Variants in SORCS1 observed in about 807,000 individuals in gnomAD.
SORCS1 encodes VPS10 domain-containing receptor SorCS1.
A neutral mutation model predicts 146.1 loss-of-function variants in SORCS1; 60 were observed. The observed-to-expected ratio is 0.41, with a 90% CI of 0.33 to 0.51. The LOEUF (loss-of-function observed/expected upper bound fraction) is 0.51. Ranked by LOEUF, SORCS1 falls within the 20% of genes least tolerant of loss-of-function variation. The pLI, the probability that SORCS1 is intolerant of heterozygous loss-of-function variation, is 0.21. For synonymous variants in SORCS1, 637 were observed against 584.0 expected, an observed-to-expected ratio of 1.09 and a Z score of -1.31; for missense variants, 1,352 against 1,487.6, an observed-to-expected ratio of 0.91 and a Z score of 1.50.
chr10:106,855,935 C>T (rs1262838201), intron 2 of SORCS1, among the ~76,000 whole-genome samples: 1 of 152,008 alleles, frequency 6.6e-6, no homozygotes, highest in African/African-American at 2.4e-5. Context: ...AATGCCTGAA[C>T]AGCTGACATG....
chr10:106,899,541 C>T (rs1273936628), intron 2 of SORCS1, among the ~76,000 whole-genome samples: 1 of 151,024 alleles, frequency 6.6e-6, no homozygotes, highest in African/African-American at 2.4e-5. Flanking sequence ...CACTTACTTC[C>T]TTTTCATTCC....
chr10:106,899,772 T>A, intron 2 of SORCS1, among the ~76,000 whole-genome samples: 1 of 152,086 alleles, frequency 6.6e-6, no homozygotes. Flanking sequence ...TTAACTTCCT[T>A]CATAAGTTCC....
intron 1 of SORCS1, among the ~76,000 whole-genome samples, chr10:107,113,523 C>T (rs1306405401): frequency 6.6e-6 from 1 of 151,844 alleles, no homozygotes; most frequent in East Asian, 1.9e-4. Context: ...AATCCTGTCT[C>T]TACTAAAAAT....
At chr10:106,599,226 G>C (rs1218555426) in intron 23 of SORCS1, among the ~76,000 whole-genome samples, 2 of 151,990 alleles carry the variant, frequency 1.3e-5, no homozygotes, top group African/African-American at 4.8e-5. Flanking sequence ...AATTAGCCAG[G>C]CATGGTGGTG....
chr10:106,766,528 T>C (rs913851221), intron 4 of SORCS1, among the ~76,000 whole-genome samples: 1 of 152,176 alleles, frequency 6.6e-6, no homozygotes, highest in African/African-American at 2.4e-5. Context: ...TATGTTCTGA[T>C]GCTCTGGTTC....
At chr10:106,943,869 T>C (rs187648011) in intron 2 of SORCS1, among the ~76,000 whole-genome samples, 8 of 152,216 alleles carry the variant, frequency 5.3e-5, no homozygotes, top group Admixed American at 5.2e-4. Flanking sequence ...CATTCCAAAA[T>C]TGTCTTCCTC....
chr10:107,033,249 G>C (rs1270893669), intron 1 of SORCS1, among the ~76,000 whole-genome samples: 4 of 152,120 alleles, frequency 2.6e-5, no homozygotes, highest in African/African-American at 9.7e-5. Context: ...TCACCATCAC[G>C]AGAACAGCAA....
At chr10:106,930,006 GGAGGCCGAGGA>G (rs1953316017) in intron 2 of SORCS1, among the ~76,000 whole-genome samples, 2 of 152,342 alleles carry the variant, frequency 1.3e-5, no homozygotes, top group South Asian at 4.1e-4. Flanking sequence ...CAGCAGTTTG[GGAGGCCGAGGA>G]GGGTGGATCA....
chr10:107,016,396 C>T (rs551631060), intron 1 of SORCS1, among the ~76,000 whole-genome samples: 234 of 152,082 alleles, frequency 1.5e-3, no homozygotes, highest in Non-Finnish European at 2.8e-3. Context: ...CCCAACTATT[C>T]GGGGATGCTG....
At chr10:106,795,750 A>G (rs1400061964) in intron 3 of SORCS1, among the ~76,000 whole-genome samples, 1 of 152,228 alleles carries the variant, frequency 6.6e-6, no homozygotes, top group Non-Finnish European at 1.5e-5. Context: ...TAGAATTAAG[A>G]AAGAGATTGA....
At chr10:106,688,465 G>A (rs570393729) in intron 9 of SORCS1, 127 bp from the exon 10 acceptor site, 3 of 1,033,144 alleles carry the variant, frequency 2.9e-6, no homozygotes, top group South Asian at 1.7e-5. Context: ...AAAGGTTGAC[G>A]ATGGGGGAAG....
chr10:106,829,428 T>C (rs777615377), intron 3 of SORCS1, 146 bp downstream of exon 3: 11 of 569,634 alleles, frequency 1.9e-5, no homozygotes, highest in Non-Finnish European at 3.2e-5. Context: ...GTGTCAGACA[T>C]TTTACAATCT....
At chr10:106,722,224 T>A (rs1295310681) in intron 6 of SORCS1, among the ~76,000 whole-genome samples, 2 of 151,918 alleles carry the variant, frequency 1.3e-5, no homozygotes, top group African/African-American at 2.4e-5. Flanking sequence ...CTATTTTTGT[T>A]GGTATAAAAG....
intron 1 of SORCS1, among the ~76,000 whole-genome samples, chr10:107,026,297 T>C (rs1275643557): frequency 6.6e-6 from 1 of 152,200 alleles, no homozygotes; most frequent in Non-Finnish European, 1.5e-5. Flanking sequence ...TGATTAAAGC[T>C]TGTAGTAGAG....
intron 17 of SORCS1, among the ~76,000 whole-genome samples, chr10:106,663,499 AT>A (rs913705941): frequency 1.3e-5 from 2 of 152,208 alleles, no homozygotes; most frequent in African/African-American, 4.8e-5. Context: ...GTAACTAAAT[AT>A]TTTTTAAGTA....
intron 3 of SORCS1, among the ~76,000 whole-genome samples, chr10:106,797,368 T>C (rs933919451): frequency 6.6e-6 from 1 of 150,786 alleles, no homozygotes; most frequent in Non-Finnish European, 1.5e-5. Flanking sequence ...TAAATTTCTC[T>C]AAGACTGAAA....
At chr10:106,816,552 G>C (rs957182782) in intron 3 of SORCS1, among the ~76,000 whole-genome samples, 2 of 152,138 alleles carry the variant, frequency 1.3e-5, no homozygotes, top group Non-Finnish European at 2.9e-5. Flanking sequence ...TAATTAGAGA[G>C]CTCTGCTGTT....
intron 1 of SORCS1, among the ~76,000 whole-genome samples, chr10:107,078,697 T>C (rs1263848913): frequency 2.0e-5 from 3 of 152,182 alleles, no homozygotes; most frequent in Non-Finnish European, 4.4e-5. Context: ...TTCAGGACCA[T>C]CAGTGAACTT....
At chr10:106,727,870 C>T (rs1856314693) in intron 6 of SORCS1, among the ~76,000 whole-genome samples, 1 of 152,144 alleles carries the variant, frequency 6.6e-6, no homozygotes, top group African/African-American at 2.4e-5. Context: ...ACACATACCC[C>T]TGTATGTTCC....
Sources: gnomAD v4.1 joint callset for allele counts (sites outside exome capture counted in the v4.1 genomes callset) on GRCh38, gnomAD v4.1.1 for gene constraint, MANE v1.5 for transcripts, NCBI Gene and HGNC (gene_info 2026-07-23, HGNC 2026-07-21) for gene names.